The following SEPTIN9 variants were observed in gnomAD, a reference collection of about 807,000 sequenced individuals.
SEPTIN9 encodes septin-9.
A neutral mutation model predicts 56.6 loss-of-function variants in SEPTIN9; 13 were observed. The ratio of observed to expected loss-of-function variants is 0.23; its 90% confidence interval spans 0.15 to 0.37. The LOEUF (loss-of-function observed/expected upper bound fraction) is 0.37, where lower values mean the gene tolerates loss of function less well. SEPTIN9 is among the 10% of genes least tolerant of loss of function. The pLI is 1.00. For missense variants in SEPTIN9, 650 were observed against 823.1 expected (o/e 0.79, Z 2.57); for synonymous variants, 332 against 334.1 (o/e 0.99, Z 0.07).
rs912217609 is a variant in SEPTIN9, at chr17:77,445,635, A to C, written c.722-36509A>C. The C allele has an allele frequency of 2.8e-6, 1 of 361,630 alleles. No individual in the cohort carries two copies. The highest frequency in any genetic ancestry group is 2.1e-5 in the African/African-American group (1 of 46,546). 22.4% of individuals were successfully genotyped at this position (361,630 alleles called of 1,614,324 possible). On this transcript the variant is annotated intron_variant, in intron 3 of 11. Transcript: ENST00000427177. The surrounding 1 kb of genome is among the most constrained non-coding windows in gnomAD (Gnocchi z 4.7). ...TGTGTTTCAGCAGCACGTGGGTGTC[A>C]CCACACTTCCTAGCAGGTGTCAACC...
In SEPTIN9 at chr17:77,429,746, G is replaced by A. The variant is rs544786290; in HGVS notation, c.721+27043G>A. 6.6e-6 allele frequency among the ~76,000 whole-genome samples: 1 copy of A among 152,216 alleles called. No homozygotes were observed. The highest frequency in any genetic ancestry group is 1.9e-4 in the East Asian group (1 of 5,172). ...TTTTCAAGTGAGCATCCTGAGCTGC[G>A]GGGACCCAGGGGGTCTTAGAGACCT... On this transcript the variant is annotated intron_variant, in intron 3 of 11. Transcript: ENST00000427177. The surrounding 1 kb of genome is among the most constrained non-coding windows in gnomAD (Gnocchi z 5.2).
At chr17:77,478,598 C>G (rs1459824675) in intron 3 of SEPTIN9, among the ~76,000 whole-genome samples, 1 of 151,926 alleles carries the variant, frequency 6.6e-6, no homozygotes, top group Non-Finnish European at 1.5e-5. Flanking sequence ...TCTGAGGTCA[C>G]AAGTTCAAGA....
intron 3 of SEPTIN9, among the ~76,000 whole-genome samples, chr17:77,463,982 A>C (rs2038596454): frequency 6.6e-6 from 1 of 152,236 alleles, no homozygotes; most frequent in South Asian, 2.1e-4. Context: ...GATTCATTTG[A>C]TGAATCTGAT....
In SEPTIN9 at chr17:77,310,997, A is replaced by G. The variant is rs2032469679; in HGVS notation, c.76+3800A>G. On this transcript the variant is annotated intron_variant, in intron 2 of 11. Transcript: ENST00000427177. The surrounding 1 kb of genome is among the most constrained non-coding windows in gnomAD (Gnocchi z 4.7). ...ACTCATGTCCACCAAAAACCTCAGAATGTGACCTGGGAGTTGGAGATGGGG... is the reference window on the plus strand; with the variant it reads ...ACTCATGTCCACCAAAAACCTCAGAGTGTGACCTGGGAGTTGGAGATGGGG... Among the ~76,000 whole-genome samples the G allele has an allele frequency of 1.3e-5, 2 of 152,150 alleles. No homozygotes were observed. The highest frequency in any genetic ancestry group is 4.8e-5 in the African/African-American group (2 of 41,428).
Position 77,372,166 on chromosome 17 carries a change from T to A in SEPTIN9, c.77-29893T>A, listed in dbSNP as rs550994262. Reference sequence around the variant, plus strand: ...TTGTTCCATGCTGTGAATTCTCACATGGCCCCTGACTCTGGGCAGAGGCCG... The same window carrying A: ...TTGTTCCATGCTGTGAATTCTCACAAGGCCCCTGACTCTGGGCAGAGGCCG... On this transcript the variant is annotated intron_variant, in intron 2 of 11. Transcript: ENST00000427177. 3.0e-4 allele frequency among the ~76,000 whole-genome samples: 45 copies of A among 152,276 alleles called. 1 individual carries two copies. The highest frequency in any genetic ancestry group is 1.0e-3 in the African/African-American group (43 of 41,552).
intron 1 of SEPTIN9, among the ~76,000 whole-genome samples, chr17:77,306,878 A>G (rs1197622117): frequency 6.6e-6 from 1 of 152,090 alleles, no homozygotes; most frequent in Non-Finnish European, 1.5e-5. Flanking sequence ...TTATCTGCAA[A>G]ACAGGGGTAG....
rs1461858058 is a variant in SEPTIN9 at position 77,499,539 on chromosome 17, A to G, written c.*881A>G. 2 of 457,176 alleles carry G rather than the reference A, an allele frequency of 4.4e-6. No homozygotes were observed. Among genetic ancestry groups the G allele is most frequent in the Admixed American group, 2.9e-5 (1 of 33,930 alleles). 28.3% of individuals were successfully genotyped at this position (457,176 alleles called of 1,614,324 possible). ...GAGGAGCTGAGGGAGGGAGCCATGG[A>G]AGGTGCCAGAAGGAAGGTTGGCGGG... On this transcript the variant is annotated 3_prime_UTR_variant, in exon 12 of 12. Transcript: ENST00000427177.
intron 1 of SEPTIN9, among the ~76,000 whole-genome samples, chr17:77,285,774 G>C (rs991148934): frequency 6.6e-6 from 1 of 152,230 alleles, no homozygotes; most frequent in African/African-American, 2.4e-5. Context: ...CTATGCTGTC[G>C]TGACTTCTGA....
At chr17:77,393,654 A>G (rs2035615386) in intron 2 of SEPTIN9, among the ~76,000 whole-genome samples, 1 of 152,260 alleles carries the variant, frequency 6.6e-6, no homozygotes, top group East Asian at 1.9e-4. Flanking sequence ...CAATGGCACA[A>G]TCTCGGCTCA....
chr17:77,430,135 G>A (rs531793892), intron 3 of SEPTIN9, among the ~76,000 whole-genome samples: 1 of 152,116 alleles, frequency 6.6e-6, no homozygotes, highest in African/African-American at 2.4e-5. Flanking sequence ...GCTGGCCTGG[G>A]GCTGCCCTCC....
At chr17:77,495,174 A>G (rs12943240) in intron 10 of SEPTIN9, among the ~76,000 whole-genome samples, 105,227 of 151,508 alleles carry the variant, frequency 0.69, 37,921 homozygotes, top group Non-Finnish European at 0.8. Context: ...CTGTCAGGAA[A>G]TGCACAAGAG....
intron 2 of SEPTIN9, among the ~76,000 whole-genome samples, chr17:77,325,383 C>T (rs941117245): frequency 3.9e-5 from 6 of 152,346 alleles, no homozygotes; most frequent in South Asian, 2.1e-4. Context: ...TCTTTTCTCA[C>T]GCCCAGCTGG....
chr17:77,411,405 T>C (rs1022112614), intron 3 of SEPTIN9, among the ~76,000 whole-genome samples: 7 of 151,710 alleles, frequency 4.6e-5, no homozygotes, highest in African/African-American at 1.7e-4. Context: ...TTCTTTTTTT[T>C]TTTTTTTGAC....
At chr17:77,295,519 C>T (rs960188422) in intron 1 of SEPTIN9, among the ~76,000 whole-genome samples, 1 of 152,170 alleles carries the variant, frequency 6.6e-6, no homozygotes, top group Non-Finnish European at 1.5e-5. Flanking sequence ...CTCCCAGGTT[C>T]CTCCCAAGCC....
Position 77,433,057 on chromosome 17 carries a change from C to T in SEPTIN9, c.721+30354C>T, listed in dbSNP as rs1175664755. The stretch of plus-strand genomic sequence containing the variant: ...TCCCCTCCCGCTGTGCTCTCAGCTG[C>T]TCCGACAGGATGCTTTTGGCCTGAG... On this transcript the variant is annotated intron_variant, in intron 3 of 11. Coordinates refer to ENST00000427177, the MANE Select transcript of SEPTIN9 (RefSeq NM_001113491.2). This position sits in a 1 kb window ranked among gnomAD's most constrained non-coding sequence, Gnocchi z 6.4. Among the ~76,000 whole-genome samples the T allele has an allele frequency of 6.6e-6, 1 of 152,196 alleles. No individual in the cohort carries two copies. The highest frequency in any genetic ancestry group is 1.5e-5 in the Non-Finnish European group (1 of 68,016).
chr17:77,291,319 C>T (rs1419883580), intron 1 of SEPTIN9, among the ~76,000 whole-genome samples: 2 of 148,892 alleles, frequency 1.3e-5, no homozygotes, highest in Non-Finnish European at 1.5e-5. Flanking sequence ...CAGGTGGGAG[C>T]CACCGCGCCT....
intron 1 of SEPTIN9, among the ~76,000 whole-genome samples, chr17:77,289,852 C>T (rs1193085717): frequency 1.3e-5 from 2 of 152,150 alleles, no homozygotes; most frequent in East Asian, 1.9e-4. Flanking sequence ...GAAAGGAAAA[C>T]TTCAACAATC....
chr17:77,392,128 A>T (rs932312147), intron 2 of SEPTIN9, among the ~76,000 whole-genome samples: 1 of 152,122 alleles, frequency 6.6e-6, no homozygotes, highest in South Asian at 2.1e-4. Context: ...CGAAAATCCA[A>T]CCACAGGCTC....
chr17:77,284,437 C>A (rs941009865), intron 1 of SEPTIN9, among the ~76,000 whole-genome samples: 2 of 152,226 alleles, frequency 1.3e-5, no homozygotes, highest in African/African-American at 2.4e-5. Flanking sequence ...CCTCACCCGG[C>A]CTTCCAATGG....
Sources: allele counts gnomAD v4.1 joint callset (sites outside exome capture counted in the v4.1 genomes callset), GRCh38; gene constraint gnomAD v4.1.1; non-coding constraint Gnocchi (gnomAD v3.1); transcripts MANE v1.5; gene names NCBI Gene and HGNC (gene_info 2026-07-23, HGNC 2026-07-21).